The following GPHN variants were observed in gnomAD, a reference collection of about 807,000 sequenced individuals.
GPHN encodes the protein gephyrin.
GPHN carries 17 observed loss-of-function variants against 95.5 expected under a neutral mutation model. The observed-to-expected ratio is 0.18, with a 90% CI of 0.12 to 0.27. GPHN has a LOEUF of 0.27. GPHN is among the 10% of genes least tolerant of loss of function. The pLI, the probability that GPHN is intolerant of heterozygous loss-of-function variation, is 1.00. For missense variants in GPHN, 660 were observed against 978.1 expected (o/e 0.67, Z 4.34); for synonymous variants, 320 against 322.5 (o/e 0.99, Z 0.08).
chr14:66,715,271 G>A (rs1289302639), intron 2 of GPHN, among the ~76,000 whole-genome samples: 1 of 152,096 alleles, frequency 6.6e-6, no homozygotes, highest in African/African-American at 2.4e-5. Context: ...ACATTAAGGT[G>A]TCCGTAGTAG....
Position 67,151,541 on chromosome 14 carries a change from G to A in GPHN, c.1837-7874G>A, listed in dbSNP as rs73276976. Among the ~76,000 whole-genome samples, 1,207 of 152,268 alleles carry A rather than the reference G, an allele frequency of 7.9e-3. 22 individuals carry two copies. Among genetic ancestry groups the A allele is most frequent in the African/African-American group, 0.028 (1,153 of 41,536 alleles). ...ACAAAAACAGAACCAAAATGAATAC[G>A]GAGGCCAAAATAGAGAAACCAAAAG... On this transcript the variant is annotated intron_variant, in intron 18 of 22. Coordinates refer to ENST00000478722, the MANE Select transcript of GPHN (RefSeq NM_020806.5).
chr14:66,577,264 A>G (rs2060946129), intron 1 of GPHN, among the ~76,000 whole-genome samples: 1 of 152,124 alleles, frequency 6.6e-6, no homozygotes, highest in Admixed American at 6.5e-5. Context: ...GAACTGTACA[A>G]AGTTGGTAAT....
At chr14:67,208,583 G>A in the GPHN span, 5 of 983,816 alleles carry the variant, frequency 5.1e-6, no homozygotes, top group African/African-American at 1.6e-5. Context: ...ACTGAATGAT[G>A]ATATAGTCAA....
chr14:67,049,795 G>A (rs944448703), intron 10 of GPHN, among the ~76,000 whole-genome samples: 1 of 152,216 alleles, frequency 6.6e-6, no homozygotes. Context: ...ACAGGCGTGA[G>A]CCACCGCGCC....
At chr14:67,292,651 ACAGTACACATGAACAAGGC>A in the GPHN span, 1 of 1,613,656 alleles carries the variant, frequency 6.2e-7, no homozygotes, top group Non-Finnish European at 8.5e-7. Flanking sequence ...CAATGCCATC[ACAGTACACATGAACAAGGC>A]CAGTCCTCCA....
At chr14:67,439,504 T>G in the GPHN span, among the ~76,000 whole-genome samples, 1 of 152,164 alleles carries the variant, frequency 6.6e-6, no homozygotes, top group South Asian at 2.1e-4. Flanking sequence ...AGCTTGAAAA[T>G]GGACCTAAGA....
intron 9 of GPHN, among the ~76,000 whole-genome samples, chr14:66,993,793 T>G (rs2071590490): frequency 6.6e-6 from 1 of 152,186 alleles, no homozygotes; most frequent in Non-Finnish European, 1.5e-5. Flanking sequence ...TTCTTTTATG[T>G]AGAACATTGT....
intron 9 of GPHN, among the ~76,000 whole-genome samples, chr14:67,020,456 T>G (rs1425609153): frequency 6.6e-6 from 1 of 152,144 alleles, no homozygotes; most frequent in African/African-American, 2.4e-5. Context: ...TTTAAGGCAT[T>G]TTCACTTTTG....
the GPHN span, among the ~76,000 whole-genome samples, chr14:67,554,470 C>T: frequency 6.6e-5 from 10 of 152,192 alleles, no homozygotes; most frequent in East Asian, 1.9e-3. Context: ...GATGCAACGC[C>T]TCTGGGACAT....
intron 1 of GPHN, among the ~76,000 whole-genome samples, chr14:66,579,517 T>C (rs533349967): frequency 5.9e-5 from 9 of 151,698 alleles, no homozygotes; most frequent in African/African-American, 1.9e-4. Flanking sequence ...TGGGAAAAGA[T>C]AGTCTATGAA....
In GPHN at chr14:66,890,938, A is replaced by C. The variant is rs920749796; in HGVS notation, c.389+10905A>C. On this transcript the variant is annotated intron_variant, in intron 5 of 22. Coordinates refer to ENST00000478722, the MANE Select transcript of GPHN (RefSeq NM_020806.5). ...AAAAGAAGGAAACTACCTTAATGTGAAAAAGGCCTTATGTAAAAAACCCAC... is the reference window on the plus strand; with the variant it reads ...AAAAGAAGGAAACTACCTTAATGTGCAAAAGGCCTTATGTAAAAAACCCAC... Among the ~76,000 whole-genome samples, 8 of 152,234 alleles carry C rather than the reference A, an allele frequency of 5.3e-5. No homozygotes were observed. The East Asian group carries it at 1.5e-3, about 29-fold the overall frequency.
chr14:67,496,983 A>T, the GPHN span, among the ~76,000 whole-genome samples: 102,446 of 151,592 alleles, frequency 0.68, 35,991 homozygotes, highest in Non-Finnish European at 0.77. Flanking sequence ...TTTTTAGTAG[A>T]GATGGGGTTT....
chr14:66,587,879 G>A (rs766538593), intron 1 of GPHN, among the ~76,000 whole-genome samples: 51 of 152,262 alleles, frequency 3.3e-4, no homozygotes, highest in Non-Finnish European at 4.4e-4. Flanking sequence ...CACAGCATTC[G>A]AGCTCTGCTA....
rs1379454916 is a variant in GPHN, at chr14:66,634,670, T to G, written c.65-46437T>G. Reference sequence around the variant, plus strand: ...GGGTTGGTCTTCAGGTGCCCAGGCATCAGTGTGTGTTGGTGACTGGCCAGT... The same window carrying G: ...GGGTTGGTCTTCAGGTGCCCAGGCAGCAGTGTGTGTTGGTGACTGGCCAGT... On this transcript the variant is annotated intron_variant, in intron 1 of 22. Coordinates refer to ENST00000478722, the MANE Select transcript of GPHN (RefSeq NM_020806.5). Among the ~76,000 whole-genome samples the G allele has an allele frequency of 5.3e-5, 8 of 152,186 alleles. No individual in the cohort carries two copies. In the East Asian group the frequency reaches 1.5e-3, roughly 29 times the overall value.
At chr14:67,387,486 G>A in the GPHN span, 9 of 1,594,722 alleles carry the variant, frequency 5.6e-6, no homozygotes, top group African/African-American at 1.2e-4. Flanking sequence ...AAAAAAATCA[G>A]TGATTGAATA....
the GPHN span, among the ~76,000 whole-genome samples, chr14:67,215,143 A>G: frequency 6.6e-6 from 1 of 152,176 alleles, no homozygotes; most frequent in South Asian, 2.1e-4. Flanking sequence ...AGCCAGTCAT[A>G]TCTATCAAGC....
chr14:67,695,741 A>G, the GPHN span: 1 of 1,600,978 alleles, frequency 6.2e-7, no homozygotes, highest in South Asian at 1.1e-5. Context: ...GGGATGCTCC[A>G]GCGTTGCTCG....
chr14:67,372,684 C>A, the GPHN span, among the ~76,000 whole-genome samples: 1 of 151,876 alleles, frequency 6.6e-6, no homozygotes, highest in Non-Finnish European at 1.5e-5. Context: ...AAAAAATTAG[C>A]GGGCATAGTG....
intron 1 of GPHN, among the ~76,000 whole-genome samples, chr14:66,528,541 C>T (rs7157359): frequency 0.26 from 38,998 of 152,094 alleles, 9,828 homozygotes; most frequent in African/African-American, 0.62. Context: ...TTAGTTGATG[C>T]AGCTTCTTCA....
Sources: allele counts gnomAD v4.1 joint callset (sites outside exome capture counted in the v4.1 genomes callset), GRCh38; gene constraint gnomAD v4.1.1; transcripts MANE v1.5; gene names NCBI Gene and HGNC (gene_info 2026-07-23, HGNC 2026-07-21).